TRNT1: variants seen among roughly 807,000 people sequenced by gnomAD.
TRNT1 encodes CCA tRNA nucleotidyltransferase 1, mitochondrial.
Under a neutral mutation model 45.6 loss-of-function variants are expected in TRNT1, and 44 were observed. The observed-to-expected ratio is 0.97, with a 90% CI of 0.76 to 1.24. TRNT1 has a LOEUF of 1.24. Ranked by LOEUF, TRNT1 falls within the 50% of genes most tolerant of loss-of-function variation. The pLI, the probability that TRNT1 is intolerant of heterozygous loss-of-function variation, is 0.00. For missense variants in TRNT1, 633 were observed against 504.4 expected (o/e 1.25, Z -2.44); for synonymous variants, 201 against 171.4 (o/e 1.17, Z -1.35).
At chr3:3,149,541 C>G (rs1706329534), downstream of TRNT1, 1 of 152,058 alleles carries the variant, frequency 6.6e-6, no homozygotes, top group Non-Finnish European at 1.5e-5. Context: ...GTTCAGCCTA[C>G]AGAGAGGTAC....
chr3:3,135,993 G>A (rs578151484), intron 2 of TRNT1, among the ~76,000 whole-genome samples: 40 of 152,292 alleles, frequency 2.6e-4, no homozygotes, highest in Non-Finnish European at 4.7e-4. Flanking sequence ...CTTTGCAGCG[G>A]GTTAGATGCT....
At chr3:3,141,494 C>T (rs1252257573) in intron 4 of TRNT1, among the ~76,000 whole-genome samples, 4 of 152,180 alleles carry the variant, frequency 2.6e-5, no homozygotes, top group Non-Finnish European at 5.9e-5. Context: ...TCTTTTTTAG[C>T]ATTGTATTCT....
Position 3,132,620 on chromosome 3 carries a change from C to T in TRNT1, c.148+3432C>T, listed in dbSNP as rs567984590. On this transcript the variant is annotated intron_variant, in intron 2 of 7. Coordinates refer to ENST00000251607, the MANE Select transcript of TRNT1 (RefSeq NM_182916.3). ...GTGGGTGCAGCGCACCAGCATGGCA[C>T]ATGTATACATATGTAACTAACCTGC... is the stretch of plus-strand genomic sequence containing the variant. 1.9e-3 allele frequency among the ~76,000 whole-genome samples: 189 copies of T among 98,212 alleles called. 2 individuals carry two copies. Among genetic ancestry groups the T allele is most frequent in the Middle Eastern group, 0.012 (2 of 166 alleles). 64.4% of individuals were successfully genotyped at this position (98,212 alleles called of 152,430 possible).
chr3:3,152,633 TAATTTTATTAAATGCTTAG>T, downstream of TRNT1: 1 of 1,610,082 alleles, frequency 6.2e-7, no homozygotes, highest in Non-Finnish European at 8.5e-7. Flanking sequence ...ACGAGAAGTC[TAATTTTATTAAATGCTTAG>T]AATTTTATTG....
chr3:3,147,432 A>C lies in TRNT1; in HGVS notation c.803-18A>C. On this transcript the variant is annotated intron_variant, in intron 6 of 7. Coordinates refer to ENST00000251607, the MANE Select transcript of TRNT1 (RefSeq NM_182916.3). Reference sequence around the variant, plus strand: ...TATCCCCACTAAAAACAGGTGAAAAATGCTTTTGTCCCTACAGGTTTACCT... The same window carrying C: ...TATCCCCACTAAAAACAGGTGAAAACTGCTTTTGTCCCTACAGGTTTACCT... 6.2e-7 allele frequency: 1 copy of C among 1,608,356 alleles called. No individual in the cohort carries two copies. The highest frequency in any genetic ancestry group is 2.2e-5 in the East Asian group (1 of 44,752).
chr3:3,144,592 G>A lies in TRNT1; in HGVS notation c.490G>A (p.Gly164Ser), dbSNP rs1271540671. Residue 164 changes from glycine (G) to serine (S), a missense_variant, in exon 5 of 8, where the codon GGC becomes AGC. Physicochemically the swap from Gly to Ser is moderately conservative, Grantham distance 56 (BLOSUM62 0). Coordinates refer to ENST00000251607, the MANE Select transcript of TRNT1 (RefSeq NM_182916.3). ...TINSMFLGFD[G>S]TLFDYFNGYE... is the part of the protein sequence containing the mutation. Reference sequence around the variant, plus strand: ...CCTTTTCTAATGAATAGGTTTTGATGGCACTTTATTTGACTACTTTAATGG... The same window carrying A: ...CCTTTTCTAATGAATAGGTTTTGATAGCACTTTATTTGACTACTTTAATGG... 6.3e-7 allele frequency: 1 copy of A among 1,580,032 alleles called. No homozygotes were observed. Among genetic ancestry groups the A allele is most frequent in the Non-Finnish European group, 8.6e-7 (1 of 1,161,838 alleles).
At chr3:3,133,216 G>GAAATGAGAGAC (rs1705122087) in intron 2 of TRNT1, among the ~76,000 whole-genome samples, 1 of 152,062 alleles carries the variant, frequency 6.6e-6, no homozygotes, top group Non-Finnish European at 1.5e-5. Context: ...GTTATTTTAT[G>GAAATGAGAGAC]TATCTTTTTG....
chr3:3,136,327 ATATAGT>A (rs1026792074), intron 2 of TRNT1, among the ~76,000 whole-genome samples: 2 of 152,260 alleles, frequency 1.3e-5, no homozygotes, highest in African/African-American at 4.8e-5. Flanking sequence ...GGACATATGG[ATATAGT>A]TATAGTGGAT....
At chr3:3,133,830 C>G (rs964035821) in intron 2 of TRNT1, among the ~76,000 whole-genome samples, 1 of 152,098 alleles carries the variant, frequency 6.6e-6, no homozygotes, top group African/African-American at 2.4e-5. Flanking sequence ...ATGCTCACAC[C>G]ATGTCTTCCC....
Position 3,148,320 on chromosome 3 carries a change from G to A in TRNT1, c.*166G>A. The A allele has an allele frequency of 1.5e-6, 1 of 653,482 alleles. No individual in the cohort carries two copies. Among genetic ancestry groups the A allele is most frequent in the Non-Finnish European group, 2.5e-6 (1 of 396,990 alleles). The allele number at this position is 653,482 out of a possible 1,614,324, so 40.5% of individuals were successfully genotyped here. A position where few individuals can be genotyped will look rare whatever the true frequency, so the allele number is the denominator to read the frequency against. On this transcript the variant is annotated 3_prime_UTR_variant, in exon 8 of 8. Coordinates refer to ENST00000251607, the MANE Select transcript of TRNT1 (RefSeq NM_182916.3). ...AATTATATATTTCAAGAACTAAACA[G>A]AGATCCACCTTTCTGGATCTGATTT... is the stretch of plus-strand genomic sequence containing the variant.
rs1469500815 is a variant in TRNT1, at chr3:3,148,231, GACT to G, written c.*80_*82del. 6.7e-7 allele frequency: 1 copy of G among 1,492,236 alleles called. No homozygotes were observed. The highest frequency in any genetic ancestry group is 1.4e-5 in the African/African-American group (1 of 70,990). 92.4% of individuals were successfully genotyped at this position (1,492,236 alleles called of 1,614,324 possible). A position where few individuals can be genotyped will look rare whatever the true frequency, so the allele number is the denominator to read the frequency against. On this transcript the variant is annotated 3_prime_UTR_variant, in exon 8 of 8. Transcript: ENST00000251607. ...CCCTCCCTCTTAATGAGGTTTTAGA[GACT>G]ACACCAGAATAAAAGACAGTTTAGG...
rs876661298 is a variant in TRNT1, at chr3:3,148,094, G to GA, written c.1252dup (p.Ser418LysfsTer9). 2.4e-4 allele frequency: 389 copies of GA among 1,613,242 alleles called. No homozygotes were observed. The highest frequency in any genetic ancestry group is 3.0e-4 in the Non-Finnish European group (353 of 1,179,672). ...TATTACAACAGTTGCGAGAACAGTG[G>GA]AAAAAAAGTGGTTACCAAATGGAAA... On this transcript the variant is annotated frameshift_variant, in exon 8 of 8. Coordinates refer to ENST00000251607, the MANE Select transcript of TRNT1 (RefSeq NM_182916.3). LOFTEE classifies it high-confidence loss of function.
chr3:3,127,627 G>A (rs994759272), intron 1 of TRNT1: 11 of 152,414 alleles, frequency 7.2e-5, no homozygotes, highest in African/African-American at 2.7e-4. Context: ...AAATTCATGG[G>A]AAAATACAAT....
chr3:3,151,288 ATAAAGAG>A (rs1242832051), downstream of TRNT1, among the ~76,000 whole-genome samples: 1 of 152,214 alleles, frequency 6.6e-6, no homozygotes, highest in African/African-American at 2.4e-5. Context: ...CTGCATAGAA[ATAAAGAG>A]TAATCTTAAG....
chr3:3,129,206 C>T lies in TRNT1; in HGVS notation c.148+18C>T, dbSNP rs1210231602. ...TCTGACAGGTGAGAGATTAGGATAC[C>T]TTTTCTTGATTGGAAACCTATATAA... On this transcript the variant is annotated intron_variant, in intron 2 of 7. Coordinates refer to ENST00000251607, the MANE Select transcript of TRNT1 (RefSeq NM_182916.3). 6.2e-7 allele frequency: 1 copy of T among 1,611,728 alleles called. No homozygotes were observed. Among genetic ancestry groups the T allele is most frequent in the South Asian group, 1.1e-5 (1 of 90,940 alleles).
chr3:3,146,758 T>G (rs1443541832), intron 6 of TRNT1, 135 bp downstream of exon 6: 1 of 870,694 alleles, frequency 1.1e-6, no homozygotes, highest in African/African-American at 1.7e-5. Flanking sequence ...AAGACAAAGT[T>G]TGGGTTATGG....
chr3:3,130,900 G>A (rs1437210535), intron 2 of TRNT1, among the ~76,000 whole-genome samples: 1 of 151,550 alleles, frequency 6.6e-6, no homozygotes, highest in Non-Finnish European at 1.5e-5. Flanking sequence ...TGGGCAACAC[G>A]GTGAAACCCC....
At chr3:3,145,897 G>GT (rs1322474099) in intron 5 of TRNT1, among the ~76,000 whole-genome samples, 2 of 151,842 alleles carry the variant, frequency 1.3e-5, no homozygotes, top group Non-Finnish European at 1.5e-5. Flanking sequence ...ACACATGCAC[G>GT]TTAGGGCTTC....
intron 4 of TRNT1, among the ~76,000 whole-genome samples, chr3:3,144,277 T>C (rs1164639904): frequency 6.6e-6 from 1 of 152,252 alleles, no homozygotes. Flanking sequence ...TTTCCCATAT[T>C]GTGAAAATTA....
Sources: allele counts gnomAD v4.1 joint callset (sites outside exome capture counted in the v4.1 genomes callset), GRCh38; gene constraint gnomAD v4.1.1; transcripts MANE v1.5; gene names NCBI Gene and HGNC (gene_info 2026-07-23, HGNC 2026-07-21).